DENND4A: variants seen among roughly 807,000 people sequenced by gnomAD.
DENND4A encodes the protein DENN domain containing 4A, also known as C-myc promoter-binding protein.
Under a neutral mutation model 199.3 loss-of-function variants are expected in DENND4A, and 70 were observed. The ratio of observed to expected loss-of-function variants is 0.35; its 90% CI spans 0.29 to 0.43. The LOEUF (loss-of-function observed/expected upper bound fraction) is 0.43, where lower values mean the gene tolerates loss of function less well. Ranked by LOEUF, DENND4A falls within the 20% of genes least tolerant of loss-of-function variation. The pLI, the probability that DENND4A is intolerant of heterozygous loss-of-function variation, is 1.00. For synonymous variants in DENND4A, 686 were observed against 766.9 expected (o/e 0.89, Z 1.74); for missense variants, 1,723 against 2,255.8 (o/e 0.76, Z 4.78).
rs376584603 is a variant in DENND4A at position 65,678,339 on chromosome 15, CTTTT to C, written c.4180-1709_4180-1706del. 3.3e-3 allele frequency among the ~76,000 whole-genome samples: 506 copies of C among 151,944 alleles called. 5 individuals carry two copies. The highest frequency in any genetic ancestry group is 0.011 in the African/African-American group (473 of 41,466). On this transcript the variant is annotated intron_variant, in intron 23 of 32. Transcript: ENST00000443035. ...TTTAGTCACCAGGTATTTGGTTTGCCTTTTTTTTCTTGTATTTTAATTAGACTAC... is the reference window on the plus strand; with the variant it reads ...TTTAGTCACCAGGTATTTGGTTTGCCTTTTCTTGTATTTTAATTAGACTAC...
intron 1 of DENND4A, among the ~76,000 whole-genome samples, chr15:65,789,412 G>C (rs2077655803): frequency 6.6e-6 from 1 of 151,604 alleles, no homozygotes; most frequent in Admixed American, 6.6e-5. Context: ...TGATAACTAT[G>C]ATATACAATA....
At chr15:65,719,767 T>A (rs1249512454) in intron 12 of DENND4A, among the ~76,000 whole-genome samples, 1 of 151,544 alleles carries the variant, frequency 6.6e-6, no homozygotes, top group African/African-American at 2.4e-5. Flanking sequence ...TGATAGCTTG[T>A]GTCTGTAGTC....
intron 1 of DENND4A, among the ~76,000 whole-genome samples, chr15:65,783,460 T>C (rs2077485729): frequency 6.6e-6 from 1 of 152,214 alleles, no homozygotes; most frequent in Non-Finnish European, 1.5e-5. Context: ...TATATGTGTA[T>C]ACATACATAT....
At chr15:65,767,607 A>G (rs1230760927) in intron 1 of DENND4A, among the ~76,000 whole-genome samples, 1 of 152,162 alleles carries the variant, frequency 6.6e-6, no homozygotes, top group Non-Finnish European at 1.5e-5. Flanking sequence ...CTGTAATCCA[A>G]CCAGGAATAA....
intron 13 of DENND4A, 41 bp downstream of exon 13, chr15:65,717,737 G>C: frequency 6.7e-7 from 1 of 1,481,622 alleles, no homozygotes; most frequent in Non-Finnish European, 9.1e-7. Context: ...ACAAAGTTAA[G>C]CTCAATAACC....
chr15:65,709,721 T>A (rs373949054), intron 14 of DENND4A, among the ~76,000 whole-genome samples: 15,091 of 71,116 alleles, frequency 0.21, 1,909 homozygotes, highest in Non-Finnish European at 0.3. Context: ...AAAAAAAAAA[T>A]ATATATATAT....
rs749952709 is a variant in DENND4A, at chr15:65,717,983, C to A, written c.1602G>T (p.Pro534=). ...HQQLAKLQQR[P]RDDGLMDLAI... ...CTAAATCCATGAGTCCATCATCTCT[C>A]GGTCTCTGCTGCACTGTGAAGACAT... Residue 534 remains proline, a synonymous_variant, in exon 13 of 33, where the codon CCG becomes CCT. Transcript: ENST00000443035. 6.2e-7 allele frequency: 1 copy of A among 1,600,832 alleles called. No homozygotes were observed. Among genetic ancestry groups the A allele is most frequent in the Non-Finnish European group, 8.5e-7 (1 of 1,172,898 alleles).
intron 2 of DENND4A, among the ~76,000 whole-genome samples, chr15:65,756,674 T>A (rs1567082434): frequency 6.6e-6 from 1 of 152,218 alleles, no homozygotes; most frequent in Non-Finnish European, 1.5e-5. Context: ...AAGTAATGGA[T>A]GAATTCCCAA....
intron 4 of DENND4A, among the ~76,000 whole-genome samples, chr15:65,744,254 A>T (rs1422199778): frequency 1.3e-5 from 2 of 152,214 alleles, no homozygotes; most frequent in Non-Finnish European, 2.9e-5. Context: ...GAAGAAACTC[A>T]ATTGAGATGG....
rs1184136258 is a variant in DENND4A at position 65,660,364 on chromosome 15, T to A, written c.*1487A>T. On this transcript the variant is annotated 3_prime_UTR_variant, in exon 33 of 33. Coordinates refer to ENST00000443035, the MANE Select transcript of DENND4A (RefSeq NM_001320835.1). ...GTGGGTTTTCTGCAGCTGAACTGAT[T>A]CTAAGTCTCAGGACTCCAAGATACC... The A allele has an allele frequency of 8.2e-6, 12 of 1,472,202 alleles. No individual in the cohort carries two copies. The highest frequency in any genetic ancestry group is 1.1e-5 in the Non-Finnish European group (12 of 1,089,566). 91.2% of individuals were successfully genotyped at this position (1,472,202 alleles called of 1,614,324 possible).
chr15:65,681,971 G>A (rs1386452437), intron 23 of DENND4A, among the ~76,000 whole-genome samples: 1 of 152,174 alleles, frequency 6.6e-6, no homozygotes, highest in African/African-American at 2.4e-5. Context: ...TCAACAATGG[G>A]TTTAAACATT....
chr15:65,722,283 G>T (rs2075671209), intron 12 of DENND4A, among the ~76,000 whole-genome samples: 1 of 152,082 alleles, frequency 6.6e-6, no homozygotes, highest in African/African-American at 2.4e-5. Context: ...AGGACAACAT[G>T]GTAAGACCCT....
intron 29 of DENND4A, among the ~76,000 whole-genome samples, chr15:65,667,220 C>G (rs1382162425): frequency 6.6e-6 from 1 of 152,076 alleles, no homozygotes; most frequent in African/African-American, 2.4e-5. Context: ...ATCCCAGCTA[C>G]TTGGGAGGCT....
At chr15:65,707,541 G>T (rs2075102382) in intron 14 of DENND4A, among the ~76,000 whole-genome samples, 2 of 151,690 alleles carry the variant, frequency 1.3e-5, no homozygotes, top group African/African-American at 2.4e-5. Context: ...ATACTCTCTT[G>T]GATTAAATAA....
chr15:65,667,582 A>G lies in DENND4A; in HGVS notation c.5108T>C (p.Ile1703Thr), dbSNP rs1399285183. The change falls in exon 29 of 33, where the codon ATA becomes ACA. Residue 1703 changes from isoleucine (I) to threonine (T), a missense_variant. By Grantham distance (89) the Ile-to-Thr change is moderately conservative (BLOSUM62 -1). Coordinates refer to ENST00000443035, the MANE Select transcript of DENND4A (RefSeq NM_001320835.1). ...SLLENEGDHA[I>T]TVADFVDHHP... ...ATGGTCCACAAAGTCTGCTACTGTT[A>G]TTGCATGATCACCTTCATTTTCCAA... 6.2e-7 allele frequency: 1 copy of G among 1,613,890 alleles called. No individual in the cohort carries two copies. The highest frequency in any genetic ancestry group is 1.3e-5 in the African/African-American group (1 of 74,934).
intron 12 of DENND4A, 36 bp from the exon 13 acceptor site, chr15:65,718,032 C>T (rs1409244037): frequency 2.1e-6 from 3 of 1,444,194 alleles, no homozygotes; most frequent in Non-Finnish European, 2.8e-6. Context: ...TTTCTCCAAA[C>T]TCACAAAACA....
intron 1 of DENND4A, among the ~76,000 whole-genome samples, chr15:65,769,521 G>A (rs889636111): frequency 1.3e-5 from 2 of 152,024 alleles, no homozygotes; most frequent in Non-Finnish European, 2.9e-5. Flanking sequence ...TATCAGATAC[G>A]CAAATAAGCT....
chr15:65,777,121 T>C lies in DENND4A; in HGVS notation c.-102+14889A>G, dbSNP rs540947323. ...AAGCGGAGGATGCAGTGAGCTGAGA[T>C]AGCACCACTGCACTCCAGCCTGGGC... On this transcript the variant is annotated intron_variant, in intron 1 of 32. Coordinates refer to ENST00000443035, the MANE Select transcript of DENND4A (RefSeq NM_001320835.1). Among the ~76,000 whole-genome samples the C allele has an allele frequency of 2.6e-4, 40 of 152,154 alleles. No homozygotes were observed. In the East Asian group the frequency reaches 4.6e-3, roughly 18 times the overall value.
intron 11 of DENND4A, 40 bp downstream of exon 11, chr15:65,729,032 G>A: frequency 6.6e-7 from 1 of 1,511,788 alleles, no homozygotes; most frequent in Non-Finnish European, 9.0e-7. Context: ...ATGCTACAAA[G>A]TTGTAAAATA....
Sources: gnomAD v4.1 joint callset for allele counts (sites outside exome capture counted in the v4.1 genomes callset) on GRCh38, gnomAD v4.1.1 for gene constraint, MANE v1.5 for transcripts, NCBI Gene and HGNC (gene_info 2026-07-23, HGNC 2026-07-21) for gene names.